SETD3: variants seen among roughly 807,000 people sequenced by gnomAD.
SETD3 encodes the protein actin-histidine N-methyltransferase.
SETD3 carries 19 observed loss-of-function variants against 63.0 expected under a neutral mutation model. The ratio of observed to expected loss-of-function variants is 0.30; its 90% CI spans 0.21 to 0.44. The LOEUF (loss-of-function observed/expected upper bound fraction) is 0.44, where lower values mean the gene tolerates loss of function less well. Ranked by LOEUF, SETD3 falls within the 20% of genes least tolerant of loss-of-function variation. The pLI is 1.00. For synonymous variants in SETD3, 286 were observed against 264.1 expected (o/e 1.08, Z -0.80); for missense variants, 587 against 728.5 (o/e 0.81, Z 2.24).
chr14:99,403,455 A>ACTCTCTCTCTCTCTCTCTCTCTCTCTCT (rs55804663), intron 11 of SETD3, among the ~76,000 whole-genome samples: 16 of 135,534 alleles, frequency 1.2e-4, no homozygotes, highest in East Asian at 4.5e-4. Context: ...ACACACACAC[A>ACTCTCTCTCTCTCTCTCTCTCTCTCTCT]CTCTCTCTCT....
At position 99,463,595 on chromosome 14, in the gene SETD3, A is replaced by G; in HGVS notation, c.104-17T>C. ...TGCTGCATTCTGTAACATAAGAGGC[A>G]TGGTACTGAAACACTTCTCTCTTTC... On this transcript the variant is annotated splice_polypyrimidine_tract_variant and intron_variant, in intron 2 of 12. Transcript: ENST00000331768. 1.3e-6 allele frequency: 2 copies of G among 1,596,674 alleles called. No homozygotes were observed. Among genetic ancestry groups the G allele is most frequent in the Non-Finnish European group, 1.7e-6 (2 of 1,165,094 alleles).
At chr14:99,405,836 C>T (rs1225268918) in intron 9 of SETD3, among the ~76,000 whole-genome samples, 1 of 152,168 alleles carries the variant, frequency 6.6e-6, no homozygotes, top group Non-Finnish European at 1.5e-5. Flanking sequence ...GATCCTCTGG[C>T]AATTAATCCT....
At chr14:99,401,849 G>C (rs575702385) in intron 11 of SETD3, among the ~76,000 whole-genome samples, 1 of 152,262 alleles carries the variant, frequency 6.6e-6, no homozygotes, top group South Asian at 2.1e-4. Context: ...GGAAGCTGCA[G>C]GTGTGCGGCA....
intron 2 of SETD3, among the ~76,000 whole-genome samples, chr14:99,465,374 T>C (rs1183809511): frequency 6.6e-6 from 1 of 152,202 alleles, no homozygotes; most frequent in Non-Finnish European, 1.5e-5. Context: ...GGTTCAGTAA[T>C]CTGCCGAGCG....
At chr14:99,439,081 T>A (rs1893646340) in intron 6 of SETD3, among the ~76,000 whole-genome samples, 1 of 152,188 alleles carries the variant, frequency 6.6e-6, no homozygotes, top group Non-Finnish European at 1.5e-5. Flanking sequence ...CAAAGAGAAC[T>A]GCTAAAGCAG....
At chr14:99,432,692 T>C (rs111305363) in intron 6 of SETD3, among the ~76,000 whole-genome samples, 139 of 152,310 alleles carry the variant, frequency 9.1e-4, no homozygotes, top group African/African-American at 3.1e-3. Context: ...AAAGCAACAA[T>C]GCCTCCAGTA....
At chr14:99,420,284 T>C (rs142829458) in intron 6 of SETD3, among the ~76,000 whole-genome samples, 2 of 152,318 alleles carry the variant, frequency 1.3e-5, no homozygotes, top group African/African-American at 2.4e-5. Context: ...CCATGTCTTC[T>C]TTGACCCCCT....
chr14:99,452,860 CA>C (rs1894538460), intron 6 of SETD3, among the ~76,000 whole-genome samples: 1 of 152,140 alleles, frequency 6.6e-6, no homozygotes, highest in South Asian at 2.1e-4. Flanking sequence ...GGGGAGAAAA[CA>C]AAATAGGTTT....
intron 6 of SETD3, among the ~76,000 whole-genome samples, chr14:99,455,790 T>C (rs1192313666): frequency 1.3e-5 from 2 of 152,210 alleles, no homozygotes; most frequent in East Asian, 1.9e-4. Context: ...GGGGCTGCCC[T>C]ATATGTAGAA....
At chr14:99,399,891 C>T (rs971577844) in intron 12 of SETD3, among the ~76,000 whole-genome samples, 2 of 151,774 alleles carry the variant, frequency 1.3e-5, no homozygotes, top group Non-Finnish European at 2.9e-5. Flanking sequence ...GCTGGGATTA[C>T]AGACCACACC....
chr14:99,407,900 T>G (rs1891773541), intron 8 of SETD3, among the ~76,000 whole-genome samples: 1 of 152,172 alleles, frequency 6.6e-6, no homozygotes. Context: ...TTTGAGAATA[T>G]TCACGTGATG....
chr14:99,410,762 T>C (rs1891941448), intron 8 of SETD3, among the ~76,000 whole-genome samples: 2 of 152,242 alleles, frequency 1.3e-5, no homozygotes, highest in Non-Finnish European at 2.9e-5. Context: ...TTCTTTAGCA[T>C]TTCCTTGCTG....
chr14:99,471,189 AAT>A (rs1190951621), intron 1 of SETD3, among the ~76,000 whole-genome samples: 12 of 152,230 alleles, frequency 7.9e-5, no homozygotes, highest in Non-Finnish European at 1.5e-4. Flanking sequence ...CATAGGATCT[AAT>A]ATAGTGTCAC....
chr14:99,409,966 A>C (rs144252930), intron 8 of SETD3: 136 of 410,170 alleles, frequency 3.3e-4, no homozygotes, highest in African/African-American at 2.5e-3. Context: ...TGGATCTTCC[A>C]TTCTAATGGG....
intron 6 of SETD3, among the ~76,000 whole-genome samples, chr14:99,437,682 CGT>C (rs150123655): frequency 2.9e-4 from 44 of 151,378 alleles, no homozygotes; most frequent in East Asian, 1.4e-3. Flanking sequence ...TACGTGTATA[CGT>C]GTGTGTGTGT....
chr14:99,420,941 C>T (rs201285999), intron 6 of SETD3, among the ~76,000 whole-genome samples: 2 of 2,090 alleles, frequency 9.6e-4, no homozygotes, highest in East Asian at 0.011. Flanking sequence ...AAAAGCCAGG[C>T]GAGGGCGGGG....
At chr14:99,472,711 G>A (rs1460225155) in intron 1 of SETD3, among the ~76,000 whole-genome samples, 1 of 152,068 alleles carries the variant, frequency 6.6e-6, no homozygotes, top group Non-Finnish European at 1.5e-5. Context: ...TTAAATTACA[G>A]ATATTAGCCA....
rs1895195202 is a variant in SETD3 at position 99,463,538 on chromosome 14, T to C, written c.144A>G (p.Glu48=). The C allele has an allele frequency of 6.2e-7, 1 of 1,614,030 alleles. No homozygotes were observed. The highest frequency in any genetic ancestry group is 1.3e-5 in the African/African-American group (1 of 74,946). Residue 48 remains glutamate, a synonymous_variant, in exon 3 of 13, where the codon GAA becomes GAG. Transcript: ENST00000331768. ...CCAGAGTCCGGATCTGCACATACTC[T>C]TCCCACTCTTTTCCTGGGCCAGGCG... ...SPAPGPGKEW[E]EYVQIRTLVE...
intron 6 of SETD3, among the ~76,000 whole-genome samples, chr14:99,434,780 G>C (rs1310132495): frequency 7.3e-6 from 1 of 137,552 alleles, no homozygotes. Context: ...CCGGGAGGGA[G>C]AGGTTGTGAT....
Sources: allele counts gnomAD v4.1 joint callset (sites outside exome capture counted in the v4.1 genomes callset), GRCh38; gene constraint gnomAD v4.1.1; transcripts MANE v1.5; gene names NCBI Gene and HGNC (gene_info 2026-07-23, HGNC 2026-07-21).